The following SYT1 variants were observed in gnomAD, a reference collection of about 807,000 sequenced individuals.
SYT1 encodes synaptotagmin-1.
In SYT1, 8 loss-of-function variants were observed where a neutral mutation model predicts 44.8. The observed-to-expected ratio is 0.18, with a 90% CI of 0.10 to 0.32. The LOEUF is 0.32. Ranked by LOEUF, SYT1 falls within the 10% of genes least tolerant of loss-of-function variation. SYT1 has a pLI of 1.00. For missense variants in SYT1, 286 were observed against 509.3 expected (o/e 0.56, Z 4.22); for synonymous variants, 154 against 188.8 (o/e 0.82, Z 1.51).
At chr12:79,394,627 C>T (rs907504457) in intron 9 of SYT1, among the ~76,000 whole-genome samples, 10 of 152,238 alleles carry the variant, frequency 6.6e-5, no homozygotes, top group Non-Finnish European at 1.3e-4. Flanking sequence ...TTTAAAGATG[C>T]TTAACTTTTA....
intron 4 of SYT1, among the ~76,000 whole-genome samples, chr12:79,274,855 A>G (rs1565886176): frequency 6.6e-6 from 1 of 152,222 alleles, no homozygotes; most frequent in African/African-American, 2.4e-5. Flanking sequence ...CAATTGAGAA[A>G]GCCACCACAC....
At chr12:79,391,677 A>G (rs1010650161) in intron 9 of SYT1, among the ~76,000 whole-genome samples, 3 of 152,218 alleles carry the variant, frequency 2.0e-5, no homozygotes, top group African/African-American at 7.2e-5. Flanking sequence ...TAGAATTTTT[A>G]GTTGATTCCC....
intron 1 of SYT1, among the ~76,000 whole-genome samples, chr12:78,948,879 G>A (rs533247048): frequency 6.6e-6 from 1 of 151,500 alleles, no homozygotes; most frequent in African/African-American, 2.4e-5. Flanking sequence ...CTCCAGTTCT[G>A]CTGTCTCAAA....
chr12:79,015,386 A>G (rs1871739180), intron 2 of SYT1, among the ~76,000 whole-genome samples: 1 of 152,050 alleles, frequency 6.6e-6, no homozygotes, highest in Non-Finnish European at 1.5e-5. Context: ...ATAATAAGTA[A>G]CCAACTTTTT....
intron 3 of SYT1, among the ~76,000 whole-genome samples, chr12:79,177,732 T>C (rs1378685102): frequency 7.9e-6 from 1 of 127,228 alleles, no homozygotes; most frequent in Non-Finnish European, 1.6e-5. Flanking sequence ...TTTTAATGAT[T>C]GCCATTCTAA....
At chr12:79,275,931 T>C (rs1297276940) in intron 4 of SYT1, among the ~76,000 whole-genome samples, 2 of 152,154 alleles carry the variant, frequency 1.3e-5, no homozygotes, top group Non-Finnish European at 2.9e-5. Flanking sequence ...ACAAGCAGCA[T>C]GTGAGAAAGT....
intron 3 of SYT1, among the ~76,000 whole-genome samples, chr12:79,210,393 C>T (rs914832205): frequency 6.6e-6 from 1 of 152,120 alleles, no homozygotes. Flanking sequence ...TCTTTTATCT[C>T]TCACCCCTCT....
chr12:79,129,030 C>A (rs1868628228), intron 3 of SYT1, among the ~76,000 whole-genome samples: 2 of 152,032 alleles, frequency 1.3e-5, no homozygotes. Flanking sequence ...GAATCAGTGT[C>A]ATTTTATGTT....
chr12:78,926,181 T>G (rs1411399660), intron 1 of SYT1, among the ~76,000 whole-genome samples: 1 of 152,202 alleles, frequency 6.6e-6, no homozygotes, highest in East Asian at 1.9e-4. Flanking sequence ...CATGCTTAAC[T>G]AATTCTGGAA....
At chr12:79,371,366 G>A (rs1883781652) in intron 9 of SYT1, among the ~76,000 whole-genome samples, 2 of 152,080 alleles carry the variant, frequency 1.3e-5, no homozygotes, top group Admixed American at 6.5e-5. Flanking sequence ...ATGCTCTTGA[G>A]CAGCAAAATG....
chr12:79,331,673 T>A (rs1163930732), intron 8 of SYT1, among the ~76,000 whole-genome samples: 1 of 152,190 alleles, frequency 6.6e-6, no homozygotes, highest in Admixed American at 6.5e-5. Flanking sequence ...TGAAGCAGAT[T>A]TCCTGGACAT....
intron 3 of SYT1, among the ~76,000 whole-genome samples, chr12:79,087,606 G>A (rs776913313): frequency 6.6e-6 from 1 of 151,990 alleles, no homozygotes; most frequent in Non-Finnish European, 1.5e-5. Flanking sequence ...GAATGAGTAA[G>A]GTGCATCAAG....
intron 3 of SYT1, among the ~76,000 whole-genome samples, chr12:79,061,793 G>A (rs1875406622): frequency 1.3e-5 from 2 of 152,050 alleles, no homozygotes; most frequent in African/African-American, 4.8e-5. Flanking sequence ...TAAGCACATG[G>A]GATGATTGGT....
chr12:78,908,839 C>T (rs1217370658), intron 1 of SYT1, among the ~76,000 whole-genome samples: 1 of 151,870 alleles, frequency 6.6e-6, no homozygotes, highest in African/African-American at 2.4e-5. Context: ...TGCAGAAAAT[C>T]AAATATTTTT....
chr12:79,273,842 T>G (rs1236815656), intron 4 of SYT1, among the ~76,000 whole-genome samples: 1 of 152,170 alleles, frequency 6.6e-6, no homozygotes, highest in Non-Finnish European at 1.5e-5. Context: ...TCCCAGCACT[T>G]TGGAAGGCCG....
rs1871050584 is a variant in SYT1 at position 79,451,367 on chromosome 12, G to A, written c.*2243G>A. ...AAACAAGACTCTTTCCAATTTAAAGGGCCAAACCCTACCAAAGAGAGGGAG... is the reference window on the plus strand; with the variant it reads ...AAACAAGACTCTTTCCAATTTAAAGAGCCAAACCCTACCAAAGAGAGGGAG... On this transcript the variant is annotated 3_prime_UTR_variant, in exon 11 of 11. Coordinates refer to ENST00000261205, the MANE Select transcript of SYT1 (RefSeq NM_005639.3). 1 of 152,066 alleles carries A rather than the reference G, an allele frequency of 6.6e-6. No homozygotes were observed. The highest frequency in any genetic ancestry group is 1.5e-5 in the Non-Finnish European group (1 of 68,000). 9.4% of individuals were successfully genotyped at this position (152,066 alleles called of 1,614,324 possible).
chr12:79,079,031 CAG>C (rs1456298204), intron 3 of SYT1, among the ~76,000 whole-genome samples: 1 of 152,132 alleles, frequency 6.6e-6, no homozygotes, highest in African/African-American at 2.4e-5. Context: ...TCTGTTCTGA[CAG>C]GGGACTAATT....
chr12:79,230,253 AT>A (rs1272019809), intron 4 of SYT1, among the ~76,000 whole-genome samples: 1 of 151,980 alleles, frequency 6.6e-6, no homozygotes, highest in Non-Finnish European at 1.5e-5. Context: ...TTAATCTCCA[AT>A]TTTCTTGTGA....
intron 3 of SYT1, among the ~76,000 whole-genome samples, chr12:79,199,013 C>T (rs868221849): frequency 3.3e-5 from 5 of 152,136 alleles, no homozygotes; most frequent in Non-Finnish European, 7.4e-5. Context: ...TGTCAGTTGA[C>T]ATTCTGATAT....
Sources: allele counts gnomAD v4.1 joint callset (sites outside exome capture counted in the v4.1 genomes callset), GRCh38; gene constraint gnomAD v4.1.1; transcripts MANE v1.5; gene names NCBI Gene and HGNC (gene_info 2026-07-23, HGNC 2026-07-21).